The following TMEM74 variants were observed in gnomAD, a reference collection of about 807,000 sequenced individuals.
TMEM74 encodes the protein transmembrane protein 74.
Under a neutral mutation model 18.1 loss-of-function variants are expected in TMEM74, and 13 were observed. The observed-to-expected ratio is 0.72, with a 90% CI of 0.47 to 1.14. The LOEUF (loss-of-function observed/expected upper bound fraction) is 1.14. TMEM74 is among the 50% of genes most tolerant of loss of function. TMEM74 has a pLI of 0.00. For missense variants in TMEM74, 372 were observed against 375.9 expected, an observed-to-expected ratio of 0.99 and a Z score of 0.09; for synonymous variants, 159 against 146.6, an observed-to-expected ratio of 1.08 and a Z score of -0.61.
intron 2 of TMEM74, among the ~76,000 whole-genome samples, chr8:108,641,736 A>G (rs571579940): frequency 1.3e-5 from 2 of 152,172 alleles, no homozygotes; most frequent in African/African-American, 4.8e-5. Flanking sequence ...TAACAACTAA[A>G]TCTATTAATC....
In TMEM74 at chr8:108,621,357, T is replaced by C. The variant is rs372882107; in HGVS notation, n.265-12531A>G. On this transcript the variant is annotated intron_variant and non_coding_transcript_variant, in intron 2 of 3. Coordinates refer to the TMEM74 transcript ENST00000518838. ...TTCCTGTTTTGTATTAATTAAAGTT[T>C]GACCTGAGAGCTTTTAAGTCTCCTG... 3.4e-4 allele frequency among the ~76,000 whole-genome samples: 52 copies of C among 152,282 alleles called. 1 individual carries two copies. In the East Asian group the frequency reaches 9.3e-3, roughly 27 times the overall value.
chr8:108,638,363 C>T (rs1316529862), intron 2 of TMEM74, among the ~76,000 whole-genome samples: 1 of 152,064 alleles, frequency 6.6e-6, no homozygotes. Context: ...AAGCTTCATG[C>T]TTAAAAAATG....
At chr8:108,649,254 ACTTAG>A (rs1006143376) in intron 2 of TMEM74, among the ~76,000 whole-genome samples, 3 of 152,142 alleles carry the variant, frequency 2.0e-5, no homozygotes, top group African/African-American at 7.2e-5. Context: ...TAATAATAGT[ACTTAG>A]CTTAGAGAAT....
chr8:108,640,631 T>C (rs1468604875), intron 2 of TMEM74, among the ~76,000 whole-genome samples: 1 of 152,086 alleles, frequency 6.6e-6, no homozygotes. Flanking sequence ...ATATATGAGA[T>C]TAGCAAATTT....
chr8:108,749,120 A>C (rs1006185642), intron 1 of TMEM74, among the ~76,000 whole-genome samples: 23 of 151,524 alleles, frequency 1.5e-4, no homozygotes, highest in African/African-American at 5.3e-4. Flanking sequence ...TGCCTTGGCT[A>C]TTTGGGCTCT....
intron 1 of TMEM74, among the ~76,000 whole-genome samples, chr8:108,733,636 G>T (rs977585590): frequency 6.6e-6 from 1 of 152,118 alleles, no homozygotes; most frequent in African/African-American, 2.4e-5. Context: ...TTGTAAAGAA[G>T]ACCTTAATTT....
At chr8:108,693,131 G>A (rs1292000698) in intron 1 of TMEM74, among the ~76,000 whole-genome samples, 1 of 152,180 alleles carries the variant, frequency 6.6e-6, no homozygotes. Context: ...GTGCTGAGAT[G>A]AAGATAAGTT....
chr8:108,725,994 A>G (rs1182824607), intron 1 of TMEM74, among the ~76,000 whole-genome samples: 4 of 152,148 alleles, frequency 2.6e-5, no homozygotes, highest in African/African-American at 9.7e-5. Flanking sequence ...CCATGTGAGA[A>G]CTTAGGTGAA....
In TMEM74 at chr8:108,690,597, C is replaced by T. The variant is rs536829991; in HGVS notation, n.120-35160G>A. Among the ~76,000 whole-genome samples the T allele has an allele frequency of 1.4e-4, 21 of 151,910 alleles. No individual in the cohort carries two copies. The Middle Eastern group carries it at 0.01, about 74-fold the overall frequency. On this transcript the variant is annotated intron_variant and non_coding_transcript_variant, in intron 1 of 3. Coordinates refer to the TMEM74 transcript ENST00000518838. The stretch of plus-strand genomic sequence containing the variant: ...TTGGGAGGCCGAGGCGGGCAGATCA[C>T]GAGGTCAGGAGATCAAGACTATCCT...
chr8:108,741,656 C>T (rs1813801896), intron 1 of TMEM74, among the ~76,000 whole-genome samples: 1 of 152,084 alleles, frequency 6.6e-6, no homozygotes, highest in Non-Finnish European at 1.5e-5. Context: ...CAAAAATATA[C>T]AAATTTAACT....
At chr8:108,627,963 C>T (rs1812512480) in intron 2 of TMEM74, among the ~76,000 whole-genome samples, 1 of 151,984 alleles carries the variant, frequency 6.6e-6, no homozygotes, top group African/African-American at 2.4e-5. Flanking sequence ...GCTGATGAGG[C>T]AGGAGGATCG....
At chr8:108,674,653 A>G (rs144550762) in intron 1 of TMEM74, among the ~76,000 whole-genome samples, 1,729 of 152,326 alleles carry the variant, frequency 0.011, 18 homozygotes, top group Middle Eastern at 0.044. Flanking sequence ...TTGATCTATA[A>G]GAGAAGTTGA....
rs1294908170 is a variant in TMEM74 at position 108,784,684 on chromosome 8, G to T, written c.415C>A (p.Leu139Ile). The T allele has an allele frequency of 6.2e-7, 1 of 1,614,182 alleles. No homozygotes were observed. The highest frequency in any genetic ancestry group is 8.5e-7 in the Non-Finnish European group (1 of 1,180,010). Residue 139 changes from leucine (L) to isoleucine (I), a missense_variant, in exon 2 of 2, where the codon CTT becomes ATT. Coordinates refer to ENST00000297459, the MANE Select transcript of TMEM74 (RefSeq NM_153015.3). ...CACTCATTTGGATTTTCCCAGCCAA[G>T]CTCCCCAGGGTGATTATGCCCTTTT... ...SAKGHNHPGE[L>I]GWENPNEWSQ...
At chr8:108,640,074 T>C (rs1461265447) in intron 2 of TMEM74, among the ~76,000 whole-genome samples, 1 of 148,868 alleles carries the variant, frequency 6.7e-6, no homozygotes, top group African/African-American at 2.4e-5. Flanking sequence ...CTCCATACTC[T>C]CAAAAGTAAC....
chr8:108,720,746 ATTTATTTATTAG>A (rs147566382), intron 1 of TMEM74, among the ~76,000 whole-genome samples: 1 of 139,014 alleles, frequency 7.2e-6, no homozygotes, highest in Non-Finnish European at 1.6e-5. Context: ...TTATTTATTT[ATTTATTTATTAG>A]TTTGTTTGTT....
intron 1 of TMEM74, among the ~76,000 whole-genome samples, chr8:108,685,943 T>C (rs1012329972): frequency 2.0e-5 from 3 of 152,128 alleles, no homozygotes; most frequent in Non-Finnish European, 2.9e-5. Context: ...GGGGATATTA[T>C]GTAATTTTAT....
At chr8:108,757,185 G>T (rs1029007561) in intron 1 of TMEM74, among the ~76,000 whole-genome samples, 4 of 151,912 alleles carry the variant, frequency 2.6e-5, no homozygotes, top group African/African-American at 9.7e-5. Context: ...CCAATTTGGG[G>T]TCTAAAACAC....
chr8:108,708,997 C>T (rs1187574472), intron 1 of TMEM74, among the ~76,000 whole-genome samples: 1 of 151,922 alleles, frequency 6.6e-6, no homozygotes, highest in Admixed American at 6.6e-5. Flanking sequence ...CATGTCACAC[C>T]TGTTAGGATG....
At chr8:108,723,570 T>C (rs1203258466) in intron 1 of TMEM74, among the ~76,000 whole-genome samples, 2 of 152,196 alleles carry the variant, frequency 1.3e-5, no homozygotes, top group Non-Finnish European at 2.9e-5. Flanking sequence ...TGACAAAGAT[T>C]GCTGAGGCAA....
Sources: gnomAD v4.1 joint callset for allele counts (sites outside exome capture counted in the v4.1 genomes callset) on GRCh38, gnomAD v4.1.1 for gene constraint, MANE v1.5 for transcripts, NCBI Gene and HGNC (gene_info 2026-07-23, HGNC 2026-07-21) for gene names.